The following LY96 variants were observed in gnomAD, a reference collection of about 807,000 sequenced individuals.
The protein encoded by LY96 is myeloid differentiation protein-2.
A neutral mutation model predicts 18.9 loss-of-function variants in LY96; 18 were observed. That is an observed-to-expected ratio of 0.95 (90% confidence interval 0.66 to 1.41). The LOEUF is 1.41. Among genes scored for constraint, LY96 ranks in the 40% most tolerant of loss-of-function variants. The pLI is 0.00. For synonymous variants in LY96, 66 were observed against 62.6 expected (o/e 1.06, Z -0.26); for missense variants, 175 against 182.4 (o/e 0.96, Z 0.23).
chr8:73,995,542 G>C (rs1816108966), intron 1 of LY96, among the ~76,000 whole-genome samples: 1 of 152,208 alleles, frequency 6.6e-6, no homozygotes, highest in African/African-American at 2.4e-5. Flanking sequence ...CTTAACATGT[G>C]AATGGGGACG....
the LY96 span, among the ~76,000 whole-genome samples, chr8:74,071,493 A>C: frequency 6.6e-6 from 1 of 151,678 alleles, no homozygotes; most frequent in African/African-American, 2.4e-5. Context: ...AAAAATTGAT[A>C]ATATACATGA....
chr8:74,095,232 T>C, the LY96 span, among the ~76,000 whole-genome samples: 754 of 152,318 alleles, frequency 5.0e-3, 4 homozygotes, highest in Admixed American at 8.3e-3. Context: ...GCTTAAGAGA[T>C]TAAGCTTTAT....
intron 2 of LY96, among the ~76,000 whole-genome samples, chr8:74,009,374 CAAAAAAA>C (rs370593442): frequency 1.5e-4 from 9 of 58,844 alleles, no homozygotes; most frequent in South Asian, 8.6e-4. Flanking sequence ...CAGTCTTTCT[CAAAAAAA>C]AAAAAAAAAA....
chr8:74,004,571 T>C (rs945817407), intron 1 of LY96, among the ~76,000 whole-genome samples: 3 of 152,226 alleles, frequency 2.0e-5, no homozygotes, highest in Admixed American at 2.0e-4. Context: ...ATAAAGGGAA[T>C]ATTTCTGTAA....
At chr8:74,064,429 A>G in the LY96 span, among the ~76,000 whole-genome samples, 1 of 152,220 alleles carries the variant, frequency 6.6e-6, no homozygotes, top group African/African-American at 2.4e-5. Context: ...TCCTTAAGAA[A>G]GTATTCACTC....
chr8:74,009,374 CAAAAAAAAAAAAAAA>C (rs370593442), intron 2 of LY96, among the ~76,000 whole-genome samples: 2 of 58,846 alleles, frequency 3.4e-5, no homozygotes, highest in South Asian at 8.6e-4. Flanking sequence ...CAGTCTTTCT[CAAAAAAAAAAAAAAA>C]AAAAAAAAAA....
the LY96 span, among the ~76,000 whole-genome samples, chr8:74,039,407 G>A: frequency 1.3e-5 from 2 of 152,176 alleles, no homozygotes; most frequent in Admixed American, 1.3e-4. Context: ...GGGTTAATGG[G>A]TGTTCTCCCC....
the LY96 span, among the ~76,000 whole-genome samples, chr8:74,036,605 C>T: frequency 6.6e-6 from 1 of 152,164 alleles, no homozygotes; most frequent in East Asian, 1.9e-4. Flanking sequence ...TCATCTTCAA[C>T]CAATCAGCAG....
At chr8:74,003,533 A>G in intron 1 of LY96, among the ~76,000 whole-genome samples, 1 of 152,218 alleles carries the variant, frequency 6.6e-6, no homozygotes, top group East Asian at 1.9e-4. Flanking sequence ...TGGTGCCCAG[A>G]CGGCTGTAGT....
the LY96 span, among the ~76,000 whole-genome samples, chr8:74,065,269 G>A: frequency 6.6e-6 from 1 of 152,130 alleles, no homozygotes; most frequent in Non-Finnish European, 1.5e-5. Flanking sequence ...CCTGATTACT[G>A]CAGGCAGACA....
intron 3 of LY96, among the ~76,000 whole-genome samples, chr8:74,017,204 T>C (rs1816662737): frequency 6.6e-6 from 1 of 152,150 alleles, no homozygotes; most frequent in South Asian, 2.1e-4. Context: ...AGAGAAGACC[T>C]TAAATGACCT....
the LY96 span, among the ~76,000 whole-genome samples, chr8:74,095,318 C>G: frequency 1.3e-5 from 2 of 152,282 alleles, no homozygotes; most frequent in African/African-American, 4.8e-5. Flanking sequence ...GAACATAAAG[C>G]CTTTTCCTAC....
chr8:74,024,932 A>G lies in LY96; in HGVS notation c.332-1857A>G, dbSNP rs532765936. Among the ~76,000 whole-genome samples the G allele has an allele frequency of 9.7e-4, 148 of 152,276 alleles. 1 individual carries two copies. Among genetic ancestry groups the G allele is most frequent in the African/African-American group, 3.4e-3 (143 of 41,558 alleles). ...AGCCTCTACCTACTGGGATCAAGTG[A>G]TCCTCCCACCCTAGCCTCTCGAGTA... On this transcript the variant is annotated intron_variant, in intron 3 of 4. Transcript: ENST00000284818.
At chr8:74,031,721 T>C (rs969252205), downstream of LY96, among the ~76,000 whole-genome samples, 1 of 151,268 alleles carries the variant, frequency 6.6e-6, no homozygotes, top group Admixed American at 6.6e-5. Context: ...CAGATAAAAC[T>C]AAATGGATAA....
intron 1 of LY96, among the ~76,000 whole-genome samples, chr8:73,994,304 T>TA: frequency 6.6e-6 from 1 of 152,294 alleles, no homozygotes; most frequent in Admixed American, 6.5e-5. Flanking sequence ...CCCACTGCCA[T>TA]ATGACTGCCT....
the LY96 span, among the ~76,000 whole-genome samples, chr8:74,036,035 C>T: frequency 1.3e-5 from 2 of 152,150 alleles, no homozygotes; most frequent in Non-Finnish European, 2.9e-5. Context: ...TTAACCTTGG[C>T]AAAATAAACT....
chr8:74,077,747 G>A, the LY96 span, among the ~76,000 whole-genome samples: 3 of 151,618 alleles, frequency 2.0e-5, no homozygotes, highest in Admixed American at 6.6e-5. Flanking sequence ...TATATAAAAA[G>A]TGTTAAAACA....
intron 3 of LY96, among the ~76,000 whole-genome samples, chr8:74,021,545 A>G (rs775387434): frequency 2.2e-4 from 33 of 152,340 alleles, no homozygotes; most frequent in East Asian, 1.9e-4. Flanking sequence ...TAGAAATACC[A>G]TTTGACCCAG....
chr8:74,035,851 G>A, the LY96 span, among the ~76,000 whole-genome samples: 1 of 152,022 alleles, frequency 6.6e-6, no homozygotes, highest in African/African-American at 2.4e-5. Flanking sequence ...CCTATGACCT[G>A]GAAGCCCCTC....
Sources: allele counts gnomAD v4.1 joint callset (sites outside exome capture counted in the v4.1 genomes callset), GRCh38; gene constraint gnomAD v4.1.1; transcripts MANE v1.5; gene names NCBI Gene and HGNC (gene_info 2026-07-23, HGNC 2026-07-21).